Variants in SLFN12L observed in about 807,000 individuals in gnomAD.
The protein encoded by SLFN12L is schlafen family member 12 like.
Under a neutral mutation model 34.8 loss-of-function variants are expected in SLFN12L, and 34 were observed. That is an observed-to-expected ratio of 0.98 (90% CI 0.74 to 1.30). SLFN12L has a LOEUF of 1.30. Ranked by LOEUF, SLFN12L falls within the 50% of genes most tolerant of loss-of-function variation. The pLI, the probability that SLFN12L is intolerant of heterozygous loss-of-function variation, is 0.00. For synonymous variants in SLFN12L, 259 were observed against 247.5 expected, an observed-to-expected ratio of 1.05 and a Z score of -0.44; for missense variants, 703 against 696.2, an observed-to-expected ratio of 1.01 and a Z score of -0.11.
At chr17:35,526,490 G>T (rs1266971271) in intron 1 of SLFN12L, among the ~76,000 whole-genome samples, 1 of 152,042 alleles carries the variant, frequency 6.6e-6, no homozygotes, top group Non-Finnish European at 1.5e-5. Context: ...CAAAATAACA[G>T]AAATCATAAC....
intron 2 of SLFN12L, among the ~76,000 whole-genome samples, chr17:35,483,068 A>G (rs1914414009): frequency 6.6e-6 from 1 of 152,158 alleles, no homozygotes; most frequent in Non-Finnish European, 1.5e-5. Context: ...CTCTCTGCTG[A>G]GCGCTTCAGA....
chr17:35,532,645 A>G (rs2072422927), intron 1 of SLFN12L, among the ~76,000 whole-genome samples: 1 of 151,364 alleles, frequency 6.6e-6, no homozygotes, highest in Non-Finnish European at 1.5e-5. Flanking sequence ...TAATCCTTAC[A>G]CTTTGGGAGG....
intron 2 of SLFN12L, among the ~76,000 whole-genome samples, chr17:35,521,558 G>T (rs756269870): frequency 5.9e-5 from 9 of 152,186 alleles, no homozygotes; most frequent in Non-Finnish European, 1.2e-4. Context: ...AGATAGGCAG[G>T]CACCATCAAA....
intron 2 of SLFN12L, among the ~76,000 whole-genome samples, chr17:35,493,099 TG>T (rs1321497406): frequency 6.6e-6 from 1 of 152,170 alleles, no homozygotes; most frequent in African/African-American, 2.4e-5. Flanking sequence ...TGTGTGGGTA[TG>T]CGTGGGTGTA....
intron 2 of SLFN12L, among the ~76,000 whole-genome samples, chr17:35,509,708 T>C (rs1915575088): frequency 6.6e-6 from 1 of 152,088 alleles, no homozygotes; most frequent in Non-Finnish European, 1.5e-5. Context: ...AGACTCTTTT[T>C]TTTTTTTGAG....
intron 2 of SLFN12L, among the ~76,000 whole-genome samples, chr17:35,509,266 T>C (rs1386067657): frequency 6.6e-6 from 1 of 152,202 alleles, no homozygotes; most frequent in African/African-American, 2.4e-5. Flanking sequence ...GTCTCAGGCT[T>C]AAACAGTTGG....
At chr17:35,506,837 T>A (rs1410255263) in intron 2 of SLFN12L, among the ~76,000 whole-genome samples, 1 of 152,092 alleles carries the variant, frequency 6.6e-6, no homozygotes, top group African/African-American at 2.4e-5. Flanking sequence ...AACTTCTAGG[T>A]CCTAAAAGCC....
In SLFN12L at chr17:35,467,586, A is replaced by G. The variant is rs1913735777; in HGVS notation, c.*7337T>C. ...ACAGAGAGACATAAGAGTCTCCCCA[A>G]ACAACTTCTTTTAAAGTTCCAGTCC... On this transcript the variant is annotated 3_prime_UTR_variant, in exon 5 of 5. Transcript: ENST00000628453. 6.6e-6 allele frequency among the ~76,000 whole-genome samples: 1 copy of G among 152,204 alleles called. No homozygotes were observed. Among genetic ancestry groups the G allele is most frequent in the Non-Finnish European group, 1.5e-5 (1 of 68,022 alleles).
intron 1 of SLFN12L, among the ~76,000 whole-genome samples, chr17:35,530,741 A>C (rs1032395543): frequency 1.3e-5 from 2 of 152,144 alleles, no homozygotes; most frequent in Admixed American, 1.3e-4. Context: ...ATAAAACTTA[A>C]CTGTGCTATG....
At chr17:35,476,963 T>C (rs369513232) in intron 4 of SLFN12L, among the ~76,000 whole-genome samples, 28 of 152,292 alleles carry the variant, frequency 1.8e-4, no homozygotes, top group Admixed American at 1.1e-3. Context: ...GCTTCAGACA[T>C]TGGAGTCATC....
intron 2 of SLFN12L, among the ~76,000 whole-genome samples, chr17:35,480,967 T>G (rs1298017723): frequency 6.6e-6 from 1 of 152,176 alleles, no homozygotes; most frequent in East Asian, 1.9e-4. Context: ...ATCATTAGTT[T>G]GTGGTATTAT....
chr17:35,494,702 C>T (rs1013362071), intron 2 of SLFN12L, among the ~76,000 whole-genome samples: 2 of 152,000 alleles, frequency 1.3e-5, no homozygotes, highest in Non-Finnish European at 2.9e-5. Flanking sequence ...ATTTAGAATG[C>T]AGGAAGGGAG....
In SLFN12L at chr17:35,475,426, G is replaced by A. The variant is rs546879318; in HGVS notation, c.1336C>T (p.His446Tyr). 8 of 1,614,010 alleles carry A rather than the reference G, an allele frequency of 5.0e-6. No homozygotes were observed. The African/African-American group carries it at 1.1e-4, about 22-fold the overall frequency. The change falls in exon 5 of 5, where the codon CAT (histidine) becomes TAT (tyrosine). Residue 446 changes from histidine (H) to tyrosine (Y), a missense_variant. Coordinates refer to ENST00000628453, the MANE Select transcript of SLFN12L (RefSeq NM_001363830.2). ...CATATTAATTGCTTAAGTCCTTCAT[G>A]TTGTGAGAACAGATTTCTGCAGAAG... The part of the protein sequence containing the change: ...KTFCRNLFSQ[H>Y]EGLKQLICEE...
chr17:35,537,476 A>C (rs914207775), intron 1 of SLFN12L, 97 bp downstream of exon 1: 8 of 152,242 alleles, frequency 5.3e-5, no homozygotes, highest in African/African-American at 1.7e-4. Context: ...GTAGCCACAG[A>C]GGAGATTTTC....
At chr17:35,530,512 G>GAAAGA (rs2072397124) in intron 1 of SLFN12L, among the ~76,000 whole-genome samples, 1 of 33,306 alleles carries the variant, frequency 3.0e-5, no homozygotes, top group African/African-American at 9.4e-5. Context: ...AAGAAAGAAA[G>GAAAGA]AAAAGAAAAG....
In SLFN12L at chr17:35,479,548, T is replaced by C. The variant is rs1172888468; in HGVS notation, c.734A>G (p.His245Arg). 4 of 1,614,050 alleles carry C rather than the reference T, an allele frequency of 2.5e-6. No individual in the cohort carries two copies. Among genetic ancestry groups the C allele is most frequent in the Non-Finnish European group, 3.4e-6 (4 of 1,180,022 alleles). ...AGTCGAGAAGTTTTTTATTTCAACGTGTGTGGATTCAGTAAAGGTCAATTT... is the reference window on the plus strand; with the variant it reads ...AGTCGAGAAGTTTTTTATTTCAACGCGTGTGGATTCAGTAAAGGTCAATTT... ...KEKLTFTEST[H>R]VEIKNFSTEK... The change falls in exon 3 of 5, where the codon CAC becomes CGC. Residue 245 changes from histidine to arginine, a missense_variant. Coordinates refer to ENST00000628453, the MANE Select transcript of SLFN12L (RefSeq NM_001363830.2).
At chr17:35,532,899 C>G (rs953071745) in intron 1 of SLFN12L, among the ~76,000 whole-genome samples, 1 of 151,948 alleles carries the variant, frequency 6.6e-6, no homozygotes, top group Non-Finnish European at 1.5e-5. Flanking sequence ...CAAAAACAAA[C>G]CAAAAGACAA....
intron 2 of SLFN12L, among the ~76,000 whole-genome samples, chr17:35,503,973 C>T (rs1291342221): frequency 6.6e-6 from 1 of 152,210 alleles, no homozygotes; most frequent in Non-Finnish European, 1.5e-5. Context: ...GGAGAAAACC[C>T]TACAAAACTA....
rs911089950 is a variant in SLFN12L at position 35,510,357 on chromosome 17, G to A, written c.86+11922C>T. 28 of 152,200 alleles carry A rather than the reference G, an allele frequency of 1.8e-4. 1 individual carries two copies. 9.4% of individuals were successfully genotyped at this position (152,200 alleles called of 1,614,324 possible). A position where few individuals can be genotyped will look rare whatever the true frequency, so the allele number is the denominator to read the frequency against. On this transcript the variant is annotated intron_variant, in intron 2 of 4. Transcript: ENST00000628453. ...GCCAAAAAGTGGAAACAGTCCAAAT[G>A]TCTATCGAGATGAATGAATAAATAA...
Sources: allele counts gnomAD v4.1 joint callset (sites outside exome capture counted in the v4.1 genomes callset), GRCh38; gene constraint gnomAD v4.1.1; transcripts MANE v1.5; gene names NCBI Gene and HGNC (gene_info 2026-07-23, HGNC 2026-07-21).